Variants in GSG1L observed in about 807,000 individuals in gnomAD.
GSG1L encodes the protein germ cell-specific gene 1-like protein.
In GSG1L, 24 loss-of-function variants were observed where a neutral mutation model predicts 42.1. That is an observed-to-expected ratio of 0.57 (90% CI 0.41 to 0.80). The LOEUF is 0.80. Ranked by LOEUF, GSG1L falls within the 30% of genes least tolerant of loss-of-function variation. The pLI, the probability that GSG1L is intolerant of heterozygous loss-of-function variation, is 0.00. For missense variants in GSG1L, 445 were observed against 472.2 expected, an observed-to-expected ratio of 0.94 and a Z score of 0.53; for synonymous variants, 215 against 203.5, an observed-to-expected ratio of 1.06 and a Z score of -0.48.
intron 4 of GSG1L, 32 bp from the exon 5 acceptor site, chr16:27,828,988 T>C (rs775453831): frequency 1.4e-5 from 23 of 1,608,668 alleles, no homozygotes; most frequent in Non-Finnish European, 1.9e-5. Flanking sequence ...GATGCCATCG[T>C]GAGGGTGGGC....
intron 6 of GSG1L, among the ~76,000 whole-genome samples, chr16:27,803,784 T>TAGATAG (rs1471054807): frequency 5.4e-5 from 5 of 92,114 alleles, no homozygotes; most frequent in African/African-American, 2.3e-4. Flanking sequence ...TATATATATA[T>TAGATAG]ATATATATAT....
intron 3 of GSG1L, among the ~76,000 whole-genome samples, chr16:27,872,702 C>A (rs12448387): frequency 2.0e-5 from 3 of 152,174 alleles, no homozygotes; most frequent in Admixed American, 2.0e-4. Flanking sequence ...CTCTGGTTGT[C>A]CTTACTGCTC....
chr16:28,063,410 G>A lies in GSG1L; in HGVS notation c.15C>T (p.Arg5=), dbSNP rs1223689885. The change falls in exon 1 of 7, where the codon CGC becomes CGT. Residue 5 remains arginine, a synonymous_variant. Transcript: ENST00000447459. This position sits in a 1 kb window ranked among gnomAD's most constrained non-coding sequence, Gnocchi z 5.8. ...CCACGGCCAGGAGCGCTCGGCCGCG[G>A]CGGCTAGTCTTCATGCCGCCCGCGC... The part of the protein sequence containing the change: MKTS[R]RGRALLAVAL... The A allele has an allele frequency of 3.0e-6, 4 of 1,315,034 alleles. No homozygotes were observed. The highest frequency in any genetic ancestry group is 7.2e-5 in the East Asian group (2 of 27,620). 81.5% of individuals were successfully genotyped at this position (1,315,034 alleles called of 1,614,324 possible).
At position 27,787,793 on chromosome 16, in the gene GSG1L, A is replaced by C. The variant is rs546776118; in HGVS notation, c.*3577T>G. The C allele has an allele frequency of 6.6e-6, 1 of 152,328 alleles. No individual in the cohort carries two copies. The highest frequency in any genetic ancestry group is 6.5e-5 in the Admixed American group (1 of 15,306). The allele number at this position is 152,328 out of a possible 1,614,324, so 9.4% of individuals were successfully genotyped here. ...CTTCAGAAGGACCCTGGGTGAGAAC[A>C]AGAGCTCCTAGATGCCTGGTGGCCA... On this transcript the variant is annotated 3_prime_UTR_variant, in exon 7 of 7. Coordinates refer to ENST00000447459, the MANE Select transcript of GSG1L (RefSeq NM_001109763.2).
chr16:27,825,797 T>C (rs705909), intron 5 of GSG1L, among the ~76,000 whole-genome samples: 94,885 of 151,990 alleles, frequency 0.62, 30,448 homozygotes, highest in African/African-American at 0.77. Context: ...TGAGATCTAA[T>C]GGCTTTATAA....
chr16:27,993,447 C>A (rs1249472601), intron 1 of GSG1L, among the ~76,000 whole-genome samples: 6 of 152,086 alleles, frequency 3.9e-5, no homozygotes, highest in African/African-American at 1.4e-4. Context: ...AGAGTCCCCA[C>A]TTTCAATCAT....
intron 2 of GSG1L, among the ~76,000 whole-genome samples, chr16:27,952,999 G>A (rs1186731203): frequency 1.3e-5 from 2 of 152,188 alleles, no homozygotes; most frequent in Admixed American, 1.3e-4. Context: ...TGCATTTTCC[G>A]GTTTTGCAGG....
chr16:27,798,789 T>C (rs1024663175), intron 6 of GSG1L, among the ~76,000 whole-genome samples: 1 of 152,116 alleles, frequency 6.6e-6, no homozygotes, highest in Admixed American at 6.5e-5. Context: ...GTGGTACCAC[T>C]GCCTTGGACA....
intron 1 of GSG1L, among the ~76,000 whole-genome samples, chr16:28,026,745 C>T (rs2085905436): frequency 6.6e-6 from 1 of 152,184 alleles, no homozygotes; most frequent in Non-Finnish European, 1.5e-5. Context: ...CCCATCTGCT[C>T]ACAGTCAATA....
rs183493690 is a variant in GSG1L, at chr16:27,845,428, G to A, written c.551-367C>T. ...TATTTTCATTTTTGTAGAAATGAGC[G>A]TCTTGCTATGTTGCTCAGGCTGGTC... On this transcript the variant is annotated intron_variant, in intron 3 of 6. Transcript: ENST00000447459. Among the ~76,000 whole-genome samples the A allele has an allele frequency of 1.3e-3, 191 of 152,200 alleles. 1 individual carries two copies. Among genetic ancestry groups the A allele is most frequent in the Middle Eastern group, 3.4e-3 (1 of 294 alleles).
intron 1 of GSG1L, among the ~76,000 whole-genome samples, chr16:27,996,232 C>T (rs1313829453): frequency 6.6e-6 from 1 of 152,136 alleles, no homozygotes; most frequent in Non-Finnish European, 1.5e-5. Context: ...CTGAATTCTG[C>T]TCAGGAACCT....
chr16:27,892,916 A>G (rs1427973880), intron 2 of GSG1L, among the ~76,000 whole-genome samples: 1 of 152,196 alleles, frequency 6.6e-6, no homozygotes, highest in African/African-American at 2.4e-5. Context: ...GAACCAATGC[A>G]GAATGCCTGG....
chr16:27,921,060 A>C (rs1302856685), intron 2 of GSG1L, among the ~76,000 whole-genome samples: 12 of 152,162 alleles, frequency 7.9e-5, no homozygotes, highest in Admixed American at 7.9e-4. Flanking sequence ...CCTGGTGAAC[A>C]AACATTTGCT....
intron 6 of GSG1L, among the ~76,000 whole-genome samples, chr16:27,795,580 G>A (rs1284300884): frequency 6.6e-6 from 1 of 152,222 alleles, no homozygotes; most frequent in Admixed American, 6.5e-5. Flanking sequence ...ACACAGTTCT[G>A]GAAGCACTAG....
At chr16:27,793,362 G>A (rs1186593713) in intron 6 of GSG1L, among the ~76,000 whole-genome samples, 1 of 152,112 alleles carries the variant, frequency 6.6e-6, no homozygotes, top group Non-Finnish European at 1.5e-5. Context: ...TTAAGGGGTG[G>A]GAAACATTTT....
At chr16:27,944,803 G>A (rs1388154773) in intron 2 of GSG1L, among the ~76,000 whole-genome samples, 1 of 152,036 alleles carries the variant, frequency 6.6e-6, no homozygotes, top group Non-Finnish European at 1.5e-5. Context: ...GGCCAGGTAT[G>A]GTGGCTCACA....
chr16:27,998,566 T>C (rs556386273), intron 1 of GSG1L, among the ~76,000 whole-genome samples: 13 of 152,206 alleles, frequency 8.5e-5, no homozygotes, highest in Non-Finnish European at 1.6e-4. Flanking sequence ...GGCAGGAGGA[T>C]TGCTTGAGGC....
intron 2 of GSG1L, among the ~76,000 whole-genome samples, chr16:27,947,585 GAA>G (rs879619702): frequency 0.032 from 3,367 of 104,276 alleles, 127 homozygotes; most frequent in African/African-American, 0.08. Context: ...AAGAAAGAAA[GAA>G]AGAAAGAAAG....
intron 1 of GSG1L, among the ~76,000 whole-genome samples, chr16:27,989,604 G>A (rs967493044): frequency 1.3e-5 from 2 of 152,082 alleles, no homozygotes; most frequent in African/African-American, 4.8e-5. Context: ...GCCAGGCATG[G>A]TGGCAAATGC....
Sources: gnomAD v4.1 joint callset for allele counts (sites outside exome capture counted in the v4.1 genomes callset) on GRCh38, gnomAD v4.1.1 for gene constraint, Gnocchi (gnomAD v3.1) non-coding constraint, MANE v1.5 for transcripts, NCBI Gene and HGNC (gene_info 2026-07-23, HGNC 2026-07-21) for gene names.